The following R3HDM2 variants were observed in gnomAD, a reference collection of about 807,000 sequenced individuals.
R3HDM2 encodes R3H domain-containing protein 2.
In R3HDM2, 38 loss-of-function variants were observed where a neutral mutation model predicts 124.5. That is an observed-to-expected ratio of 0.31 (90% CI 0.24 to 0.40). The LOEUF (loss-of-function observed/expected upper bound fraction) is 0.40, where lower values mean the gene tolerates loss of function less well. Ranked by LOEUF, R3HDM2 falls within the 10% of genes least tolerant of loss-of-function variation. The probability of loss-of-function intolerance (pLI) is 1.00; values close to 1 mark genes in which losing one functional copy is unlikely to be tolerated. For missense variants in R3HDM2, 869 were observed against 1,236.9 expected (o/e 0.70, Z 4.46); for synonymous variants, 391 against 448.0 (o/e 0.87, Z 1.61).
chr12:57,386,270 G>A (rs926222750), intron 2 of R3HDM2, among the ~76,000 whole-genome samples: 4 of 152,178 alleles, frequency 2.6e-5, no homozygotes, highest in African/African-American at 7.2e-5. Context: ...TGGGCTCGCC[G>A]AGGCGGGAGC....
At chr12:57,316,908 A>G (rs553554591) in intron 2 of R3HDM2, among the ~76,000 whole-genome samples, 1 of 151,768 alleles carries the variant, frequency 6.6e-6, no homozygotes, top group South Asian at 2.1e-4. Flanking sequence ...CACCACGTTC[A>G]GCTAATTTCT....
intron 11 of R3HDM2, among the ~76,000 whole-genome samples, chr12:57,289,827 C>G (rs947778993): frequency 2.6e-5 from 4 of 152,216 alleles, no homozygotes; most frequent in African/African-American, 9.6e-5. Context: ...CTTCTTGCCA[C>G]TTCCTTTCTT....
chr12:57,297,855 G>T, intron 7 of R3HDM2: 2 of 531,446 alleles, frequency 3.8e-6, no homozygotes, highest in South Asian at 2.3e-5. Context: ...ATATTTCTTT[G>T]TTTCTGCATT....
intron 2 of R3HDM2, among the ~76,000 whole-genome samples, chr12:57,369,880 C>T (rs564547653): frequency 2.2e-4 from 33 of 152,220 alleles, no homozygotes; most frequent in African/African-American, 7.7e-4. Context: ...TTAGTTTCTC[C>T]TAAGATAACT....
chr12:57,336,428 A>G (rs2136801382), intron 2 of R3HDM2, among the ~76,000 whole-genome samples: 1 of 152,336 alleles, frequency 6.6e-6, no homozygotes, highest in East Asian at 1.9e-4. Context: ...ATGCCCATCA[A>G]TGACAGACTG....
At chr12:57,332,920 A>G (rs947114109) in intron 2 of R3HDM2, among the ~76,000 whole-genome samples, 1 of 152,242 alleles carries the variant, frequency 6.6e-6, no homozygotes, top group African/African-American at 2.4e-5. Context: ...ATCGCTTTCA[A>G]TCCTTTAGCT....
At chr12:57,418,520 T>C (rs953067320) in intron 1 of R3HDM2, among the ~76,000 whole-genome samples, 5 of 152,092 alleles carry the variant, frequency 3.3e-5, no homozygotes, top group African/African-American at 1.2e-4. Flanking sequence ...ATGGAGACTG[T>C]TTTTTACCCA....
chr12:57,294,164 G>A (rs139185129), intron 10 of R3HDM2, among the ~76,000 whole-genome samples: 274 of 152,290 alleles, frequency 1.8e-3, no homozygotes, highest in Non-Finnish European at 3.3e-3. Context: ...CTAGTTCAGG[G>A]AAAACACTCA....
At chr12:57,370,169 G>A (rs902820988) in intron 2 of R3HDM2, among the ~76,000 whole-genome samples, 5 of 152,080 alleles carry the variant, frequency 3.3e-5, no homozygotes, top group Admixed American at 6.6e-5. Context: ...GGTTCCCCCC[G>A]CTGTTCTCAT....
At chr12:57,350,274 T>G (rs2060546483) in intron 2 of R3HDM2, among the ~76,000 whole-genome samples, 1 of 151,916 alleles carries the variant, frequency 6.6e-6, no homozygotes, top group East Asian at 1.9e-4. Context: ...TAATCCAACT[T>G]TAATAACAAC....
intron 13 of R3HDM2, among the ~76,000 whole-genome samples, chr12:57,281,054 G>T (rs566481909): frequency 2.0e-5 from 3 of 152,050 alleles, no homozygotes; most frequent in Non-Finnish European, 4.4e-5. Flanking sequence ...AGGCTGAGGC[G>T]GGTGGATCAC....
chr12:57,384,019 A>T (rs1336411056), intron 2 of R3HDM2, among the ~76,000 whole-genome samples: 2 of 152,168 alleles, frequency 1.3e-5, no homozygotes. Flanking sequence ...GAAGGAGGGA[A>T]TACTTAAGCC....
At chr12:57,416,222 T>C (rs905101529) in intron 1 of R3HDM2, among the ~76,000 whole-genome samples, 11 of 151,886 alleles carry the variant, frequency 7.2e-5, no homozygotes, top group African/African-American at 2.7e-4. Context: ...GTGTACTATG[T>C]ATGTAGGGAG....
At chr12:57,278,789 A>T (rs1435551837) in intron 14 of R3HDM2, among the ~76,000 whole-genome samples, 1 of 152,172 alleles carries the variant, frequency 6.6e-6, no homozygotes, top group Non-Finnish European at 1.5e-5. Context: ...AATTACATTT[A>T]GACACAAAGT....
chr12:57,297,790 C>T, intron 7 of R3HDM2: 3 of 368,530 alleles, frequency 8.1e-6, no homozygotes, highest in Non-Finnish European at 1.5e-5. Context: ...TATTTTAGCT[C>T]TTCTTACTAT....
chr12:57,339,696 T>TAA (rs746288298), intron 2 of R3HDM2, among the ~76,000 whole-genome samples: 2 of 131,076 alleles, frequency 1.5e-5, no homozygotes, highest in Admixed American at 1.5e-4. Context: ...AGACTCCATC[T>TAA]AAAAAAAAAA....
chr12:57,417,022 A>C (rs1033738551), intron 1 of R3HDM2, among the ~76,000 whole-genome samples: 1 of 149,426 alleles, frequency 6.7e-6, no homozygotes, highest in African/African-American at 2.5e-5. Flanking sequence ...GCAGGCTGAG[A>C]CAAGAGAATT....
chr12:57,367,397 G>C (rs1235236242), intron 2 of R3HDM2, among the ~76,000 whole-genome samples: 1 of 152,188 alleles, frequency 6.6e-6, no homozygotes, highest in Admixed American at 6.5e-5. Flanking sequence ...TCCACATGTA[G>C]CTAGTGGCTA....
At chr12:57,292,524 T>C (rs2048872878) in intron 11 of R3HDM2, 48 bp downstream of exon 11, 1 of 1,298,360 alleles carries the variant, frequency 7.7e-7, no homozygotes, top group Non-Finnish European at 1.1e-6. Context: ...GTTCCAATGA[T>C]TAAGAGCTAA....
Sources: allele counts gnomAD v4.1 joint callset (sites outside exome capture counted in the v4.1 genomes callset), GRCh38; gene constraint gnomAD v4.1.1; transcripts MANE v1.5; gene names NCBI Gene and HGNC (gene_info 2026-07-23, HGNC 2026-07-21).